The following CCDC178 variants were observed in gnomAD, a reference collection of about 807,000 sequenced individuals.
The protein encoded by CCDC178 is coiled-coil domain-containing protein 178.
In CCDC178, 126 loss-of-function variants were observed where a neutral mutation model predicts 117.4. The ratio of observed to expected loss-of-function variants is 1.07; its 90% CI spans 0.93 to 1.24. CCDC178 has a LOEUF of 1.24. Among genes scored for constraint, CCDC178 ranks in the 50% most tolerant of loss-of-function variants. CCDC178 has a pLI of 0.00. For missense variants in CCDC178, 1,030 were observed against 986.9 expected (o/e 1.04, Z -0.59); for synonymous variants, 283 against 313.4 (o/e 0.90, Z 1.02).
chr18:33,086,306 C>T (rs2057376910), intron 21 of CCDC178, among the ~76,000 whole-genome samples: 1 of 151,098 alleles, frequency 6.6e-6, no homozygotes, highest in Non-Finnish European at 1.5e-5. Flanking sequence ...TTTATTAAAG[C>T]TATATATCAG....
intron 20 of CCDC178, among the ~76,000 whole-genome samples, chr18:33,105,630 AT>A (rs1460018213): frequency 6.6e-6 from 1 of 151,640 alleles, no homozygotes; most frequent in African/African-American, 2.4e-5. Context: ...ACATTTCACA[AT>A]TCATTTTTAC....
chr18:33,293,797 T>C (rs2062069386), intron 11 of CCDC178, among the ~76,000 whole-genome samples: 1 of 152,106 alleles, frequency 6.6e-6, no homozygotes, highest in African/African-American at 2.4e-5. Flanking sequence ...GTTAAGTAAA[T>C]AGTGAGGAAA....
At chr18:32,975,143 A>G (rs1373693214) in intron 21 of CCDC178, among the ~76,000 whole-genome samples, 1 of 152,170 alleles carries the variant, frequency 6.6e-6, no homozygotes, top group Admixed American at 6.5e-5. Flanking sequence ...TTTTTTCCTC[A>G]TAAAGCTTAC....
chr18:33,259,563 C>T (rs1312716697), intron 14 of CCDC178, among the ~76,000 whole-genome samples: 1 of 151,982 alleles, frequency 6.6e-6, no homozygotes, highest in East Asian at 1.9e-4. Context: ...GGCGGAAATG[C>T]CACACACTTT....
chr18:33,162,175 C>T (rs1598947861), intron 20 of CCDC178, among the ~76,000 whole-genome samples: 1 of 151,994 alleles, frequency 6.6e-6, no homozygotes, highest in Non-Finnish European at 1.5e-5. Flanking sequence ...CACACCGGGG[C>T]CTATTGTGGG....
chr18:33,242,698 C>G (rs942285518), intron 15 of CCDC178, among the ~76,000 whole-genome samples: 1 of 151,088 alleles, frequency 6.6e-6, no homozygotes, highest in Non-Finnish European at 1.5e-5. Flanking sequence ...CAAATCAAAA[C>G]CACAACTGTA....
intron 13 of CCDC178, 64 bp from the exon 14 acceptor site, chr18:33,267,116 T>C (rs2059828284): frequency 2.6e-6 from 4 of 1,526,564 alleles, no homozygotes; most frequent in Non-Finnish European, 2.6e-6. Context: ...AAACCTATAA[T>C]AATGAAATCA....
intron 21 of CCDC178, among the ~76,000 whole-genome samples, chr18:32,983,102 G>T (rs1459667460): frequency 6.6e-6 from 1 of 151,366 alleles, no homozygotes; most frequent in Non-Finnish European, 1.5e-5. Context: ...ACTCCATTTT[G>T]CTGTAAGCCC....
At chr18:33,398,586 C>T (rs1379798859) in intron 3 of CCDC178, among the ~76,000 whole-genome samples, 2 of 152,110 alleles carry the variant, frequency 1.3e-5, no homozygotes, top group African/African-American at 2.4e-5. Flanking sequence ...TATTTATAGC[C>T]TCTGTATTTT....
chr18:33,249,208 T>G (rs567505852), intron 14 of CCDC178, among the ~76,000 whole-genome samples: 2,011 of 152,258 alleles, frequency 0.013, 23 homozygotes, highest in Non-Finnish European at 0.023. Flanking sequence ...TTTCTCCCAT[T>G]CTGTGGGTTG....
intron 2 of CCDC178, among the ~76,000 whole-genome samples, chr18:33,422,844 C>T (rs954463766): frequency 6.6e-6 from 1 of 152,148 alleles, no homozygotes; most frequent in African/African-American, 2.4e-5. Context: ...ACTTTGCTCT[C>T]TGTCTATTAA....
chr18:33,033,514 T>C (rs1598809855), intron 21 of CCDC178, among the ~76,000 whole-genome samples: 1 of 152,020 alleles, frequency 6.6e-6, no homozygotes, highest in African/African-American at 2.4e-5. Context: ...TGAGGTTCAG[T>C]CCATTAATTA....
intron 21 of CCDC178, among the ~76,000 whole-genome samples, chr18:33,074,417 C>A (rs1448685363): frequency 1.3e-5 from 2 of 152,026 alleles, no homozygotes; most frequent in Non-Finnish European, 2.9e-5. Context: ...TTATATAGAC[C>A]AAAAATTGCA....
chr18:33,099,823 C>A (rs1422876738), intron 20 of CCDC178, among the ~76,000 whole-genome samples: 1 of 151,974 alleles, frequency 6.6e-6, no homozygotes, highest in Admixed American at 6.6e-5. Context: ...CTCCCAGGAC[C>A]CACTTCCTTG....
At chr18:33,202,638 A>G (rs1328466081) in intron 20 of CCDC178, among the ~76,000 whole-genome samples, 1 of 152,090 alleles carries the variant, frequency 6.6e-6, no homozygotes, top group Non-Finnish European at 1.5e-5. Flanking sequence ...CACTTCTCTG[A>G]CGACCAAATC....
chr18:33,127,095 ATATGTGTG>A (rs2058016385), intron 20 of CCDC178, among the ~76,000 whole-genome samples: 1 of 151,340 alleles, frequency 6.6e-6, no homozygotes, highest in Admixed American at 6.6e-5. Context: ...TAATATGTGT[ATATGTGTG>A]TATAGATATC....
intron 20 of CCDC178, among the ~76,000 whole-genome samples, chr18:33,121,516 C>T (rs1006640063): frequency 7.9e-5 from 12 of 152,102 alleles, no homozygotes; most frequent in African/African-American, 2.7e-4. Context: ...AGACATGGAT[C>T]GATATTCTAC....
At chr18:33,125,591 G>A (rs2057995252) in intron 20 of CCDC178, among the ~76,000 whole-genome samples, 2 of 152,156 alleles carry the variant, frequency 1.3e-5, no homozygotes, top group African/African-American at 4.8e-5. Context: ...TATTTATTGA[G>A]TGTCTCCTCT....
At chr18:33,159,495 A>G (rs1436034855) in intron 20 of CCDC178, among the ~76,000 whole-genome samples, 1 of 152,130 alleles carries the variant, frequency 6.6e-6, no homozygotes, top group Non-Finnish European at 1.5e-5. Flanking sequence ...AGGCTCCAGG[A>G]AAAGAATTTG....
Sources: allele counts gnomAD v4.1 joint callset (sites outside exome capture counted in the v4.1 genomes callset), GRCh38; gene constraint gnomAD v4.1.1; transcripts MANE v1.5; gene names NCBI Gene and HGNC (gene_info 2026-07-23, HGNC 2026-07-21).